The following ZCCHC24 variants were observed in gnomAD, a reference collection of about 807,000 sequenced individuals.
ZCCHC24 encodes the protein zinc finger CCHC-type containing 24.
A neutral mutation model predicts 26.2 loss-of-function variants in ZCCHC24; 10 were observed. The observed-to-expected ratio is 0.38, with a 90% CI of 0.24 to 0.65. ZCCHC24 has a LOEUF of 0.65. Ranked by LOEUF, ZCCHC24 falls within the 30% of genes least tolerant of loss-of-function variation. The pLI is 0.54. For synonymous variants in ZCCHC24, 144 were observed against 147.1 expected (o/e 0.98, Z 0.15); for missense variants, 243 against 329.1 (o/e 0.74, Z 2.03).
At chr10:79,410,452 G>T (rs1856774501) in intron 2 of ZCCHC24, among the ~76,000 whole-genome samples, 1 of 152,224 alleles carries the variant, frequency 6.6e-6, no homozygotes, top group Non-Finnish European at 1.5e-5. Context: ...ATGTGCTCAG[G>T]ATGAGCAGAG....
intron 2 of ZCCHC24, among the ~76,000 whole-genome samples, chr10:79,430,774 G>C (rs563308547): frequency 6.6e-6 from 1 of 151,908 alleles, no homozygotes; most frequent in East Asian, 1.9e-4. Context: ...GTCACCCTGG[G>C]GGAGGCCCTG....
chr10:79,408,190 G>C (rs1856744171), intron 2 of ZCCHC24, among the ~76,000 whole-genome samples: 1 of 152,212 alleles, frequency 6.6e-6, no homozygotes, highest in Admixed American at 6.5e-5. Flanking sequence ...GAGGCTGGTG[G>C]CAAGATTGGG....
chr10:79,399,491 C>T (rs1234224703), intron 2 of ZCCHC24, among the ~76,000 whole-genome samples: 3 of 152,250 alleles, frequency 2.0e-5, no homozygotes, highest in Non-Finnish European at 1.5e-5. Flanking sequence ...ATCACATCTG[C>T]CAGGAGCCTG....
Position 79,414,228 on chromosome 10 carries a change from A to T in ZCCHC24, c.447+18330T>A, listed in dbSNP as rs562881323. On this transcript the variant is annotated intron_variant, in intron 2 of 3. Transcript: ENST00000372336. ...ACAGAGTTGCTGAATTTAGAATTTTAAAAAATATTAGTGCCACAATAGCTT... is the reference window on the plus strand; with the variant it reads ...ACAGAGTTGCTGAATTTAGAATTTTTAAAAATATTAGTGCCACAATAGCTT... Among the ~76,000 whole-genome samples, 5 of 152,380 alleles carry T rather than the reference A, an allele frequency of 3.3e-5. No individual in the cohort carries two copies. The South Asian group carries it at 8.3e-4, about 25-fold the overall frequency.
intron 1 of ZCCHC24, among the ~76,000 whole-genome samples, chr10:79,443,004 C>T (rs1857310056): frequency 6.6e-6 from 1 of 152,130 alleles, no homozygotes; most frequent in African/African-American, 2.4e-5. Flanking sequence ...TCTTGACTCC[C>T]CCAGCCCTCT....
At chr10:79,407,262 C>T (rs943874882) in intron 2 of ZCCHC24, among the ~76,000 whole-genome samples, 75 of 152,214 alleles carry the variant, frequency 4.9e-4, no homozygotes, top group African/African-American at 1.6e-3. Context: ...GAGGAGCACT[C>T]GGTGGTGTGG....
At chr10:79,407,861 C>G (rs1472537513) in intron 2 of ZCCHC24, among the ~76,000 whole-genome samples, 1 of 152,096 alleles carries the variant, frequency 6.6e-6, no homozygotes, top group Non-Finnish European at 1.5e-5. Context: ...GGAGAAAGGC[C>G]CATCTCTTTA....
intron 2 of ZCCHC24, among the ~76,000 whole-genome samples, chr10:79,429,168 A>G (rs1857091579): frequency 6.6e-6 from 1 of 152,194 alleles, no homozygotes; most frequent in Non-Finnish European, 1.5e-5. Context: ...TAAGTGAAAG[A>G]AGCCAGTCAT....
At chr10:79,424,888 G>A (rs965935057) in intron 2 of ZCCHC24, among the ~76,000 whole-genome samples, 1 of 152,096 alleles carries the variant, frequency 6.6e-6, no homozygotes, top group Non-Finnish European at 1.5e-5. Context: ...GGCCTCCCAC[G>A]AAGCTCCAGG....
chr10:79,398,918 G>A (rs915421026), intron 2 of ZCCHC24, among the ~76,000 whole-genome samples: 10 of 152,176 alleles, frequency 6.6e-5, no homozygotes, highest in Admixed American at 4.6e-4. Context: ...CTTCCAGTGC[G>A]TGAAGGGCAG....
chr10:79,432,551 G>A lies in ZCCHC24; in HGVS notation c.447+7C>T. 1 of 1,593,394 alleles carries A rather than the reference G, an allele frequency of 6.3e-7. No individual in the cohort carries two copies. The highest frequency in any genetic ancestry group is 8.5e-7 in the Non-Finnish European group (1 of 1,169,646). On this transcript the variant is annotated splice_region_variant and intron_variant, in intron 2 of 3. Transcript: ENST00000372336. The stretch of plus-strand genomic sequence containing the variant: ...CAAGAGCACCCCCTGGGCCAGGGCT[G>A]CCTTACCTGGGGGCAGTCCTTGATG...
chr10:79,434,840 G>T (rs1443318623), intron 1 of ZCCHC24, among the ~76,000 whole-genome samples: 1 of 152,180 alleles, frequency 6.6e-6, no homozygotes, highest in Non-Finnish European at 1.5e-5. Flanking sequence ...TCCAGCTCCA[G>T]AACTTTTTCA....
intron 2 of ZCCHC24, among the ~76,000 whole-genome samples, chr10:79,427,617 T>TA (rs34777821): frequency 0.6 from 88,541 of 147,458 alleles, 26,494 homozygotes; most frequent in Non-Finnish European, 0.65. Flanking sequence ...ACAAGGGAAA[T>TA]AAAAAAAAAA....
chr10:79,392,950 C>T (rs1856499303), intron 3 of ZCCHC24, among the ~76,000 whole-genome samples: 1 of 152,210 alleles, frequency 6.6e-6, no homozygotes. Flanking sequence ...CTATACCTGA[C>T]ATTTGAGCAC....
intron 1 of ZCCHC24, among the ~76,000 whole-genome samples, chr10:79,434,465 A>T (rs1857187069): frequency 6.6e-6 from 1 of 152,260 alleles, no homozygotes; most frequent in Non-Finnish European, 1.5e-5. Context: ...GAGAGTTCTG[A>T]TAAAAACCAC....
chr10:79,413,890 G>A (rs1856827208), intron 2 of ZCCHC24, among the ~76,000 whole-genome samples: 1 of 152,220 alleles, frequency 6.6e-6, no homozygotes, highest in Non-Finnish European at 1.5e-5. Context: ...TGAGATGGGT[G>A]GATACAAGCA....
At chr10:79,428,402 TGCAAGATAAATTTCAG>T (rs1185922200) in intron 2 of ZCCHC24, among the ~76,000 whole-genome samples, 3,899 of 76,298 alleles carry the variant, frequency 0.051, 226 homozygotes, top group Middle Eastern at 0.14. Flanking sequence ...ATTTCAGTTT[TGCAAGATAAATTTCAG>T]TTTTGCAAGA....
intron 2 of ZCCHC24, among the ~76,000 whole-genome samples, chr10:79,429,942 G>C (rs1415396135): frequency 6.6e-6 from 1 of 152,146 alleles, no homozygotes; most frequent in Non-Finnish European, 1.5e-5. Context: ...AGATGGTGAG[G>C]AGCACAGAGA....
Position 79,432,541 on chromosome 10 carries a change from G to C in ZCCHC24, c.447+17C>G. 6.3e-7 allele frequency: 1 copy of C among 1,590,634 alleles called. No individual in the cohort carries two copies. Among genetic ancestry groups the C allele is most frequent in the Admixed American group, 1.8e-5 (1 of 55,082 alleles). On this transcript the variant is annotated intron_variant, in intron 2 of 3. Transcript: ENST00000372336. ...TAGGGGAGCCCAAGAGCACCCCCTG[G>C]GCCAGGGCTGCCTTACCTGGGGGCA...
Sources: allele counts gnomAD v4.1 joint callset (sites outside exome capture counted in the v4.1 genomes callset), GRCh38; gene constraint gnomAD v4.1.1; transcripts MANE v1.5; gene names NCBI Gene and HGNC (gene_info 2026-07-23, HGNC 2026-07-21).